The following KCTD8 variants were observed in gnomAD, a reference collection of about 807,000 sequenced individuals.
The protein encoded by KCTD8 is potassium channel tetramerization domain containing 8.
A neutral mutation model predicts 31.5 loss-of-function variants in KCTD8; 27 were observed. That is an observed-to-expected ratio of 0.86 (90% CI 0.63 to 1.18). The LOEUF (loss-of-function observed/expected upper bound fraction) is 1.18. Among genes scored for constraint, KCTD8 ranks in the 50% most tolerant of loss-of-function variants. The pLI is 0.00. For synonymous variants in KCTD8, 290 were observed against 280.0 expected (o/e 1.04, Z -0.36); for missense variants, 658 against 647.7 (o/e 1.02, Z -0.17).
chr4:44,413,984 T>A (rs1218856135), intron 1 of KCTD8, among the ~76,000 whole-genome samples: 4 of 152,108 alleles, frequency 2.6e-5, no homozygotes, highest in Non-Finnish European at 5.9e-5. Flanking sequence ...AACACCTAGA[T>A]GCTGAAAAAG....
chr4:44,317,263 C>T (rs1296699411), intron 1 of KCTD8, among the ~76,000 whole-genome samples: 1 of 38,288 alleles, frequency 2.6e-5, no homozygotes, highest in African/African-American at 8.8e-5. Flanking sequence ...GACGGAGTCT[C>T]GCTCTGTCGC....
intron 1 of KCTD8, among the ~76,000 whole-genome samples, chr4:44,403,397 G>A (rs1243707695): frequency 6.7e-6 from 1 of 150,258 alleles, no homozygotes; most frequent in Non-Finnish European, 1.5e-5. Context: ...AGGAGGTAGG[G>A]ACTTTATGCT....
chr4:44,198,925 T>A (rs1159809727), intron 1 of KCTD8, among the ~76,000 whole-genome samples: 3 of 151,864 alleles, frequency 2.0e-5, no homozygotes, highest in Non-Finnish European at 4.4e-5. Context: ...TCACATGTAA[T>A]GACGACTCTA....
intron 1 of KCTD8, among the ~76,000 whole-genome samples, chr4:44,225,170 A>G (rs1714920201): frequency 6.6e-6 from 1 of 152,220 alleles, no homozygotes; most frequent in South Asian, 2.1e-4. Flanking sequence ...TCCCACATTC[A>G]ACCTTTGTAA....
At chr4:44,186,053 C>T (rs1181680454) in intron 1 of KCTD8, among the ~76,000 whole-genome samples, 1 of 152,160 alleles carries the variant, frequency 6.6e-6, no homozygotes, top group Non-Finnish European at 1.5e-5. Flanking sequence ...TGTGCATTTT[C>T]CAAGACTACT....
intron 1 of KCTD8, among the ~76,000 whole-genome samples, chr4:44,282,061 G>A (rs1000643012): frequency 1.3e-5 from 2 of 151,952 alleles, no homozygotes; most frequent in Admixed American, 6.6e-5. Flanking sequence ...GCCAGTAACA[G>A]CTCGATGCAT....
At chr4:44,354,160 C>A (rs2109426343) in intron 1 of KCTD8, among the ~76,000 whole-genome samples, 1 of 152,208 alleles carries the variant, frequency 6.6e-6, no homozygotes, top group African/African-American at 2.4e-5. Context: ...TATTACTCTT[C>A]TATGATAAAT....
intron 1 of KCTD8, among the ~76,000 whole-genome samples, chr4:44,256,059 C>T (rs985561264): frequency 3.6e-4 from 54 of 151,962 alleles, no homozygotes; most frequent in Admixed American, 3.5e-3. Flanking sequence ...GCGCTTGTTA[C>T]ATGGTGGCAG....
chr4:44,299,771 T>TA (rs1717552469), intron 1 of KCTD8, among the ~76,000 whole-genome samples: 1 of 132,164 alleles, frequency 7.6e-6, no homozygotes. Context: ...TTTTTCCTTT[T>TA]CTTTTTTTTT....
intron 1 of KCTD8, among the ~76,000 whole-genome samples, chr4:44,229,124 T>C (rs914475696): frequency 2.6e-5 from 4 of 152,120 alleles, no homozygotes; most frequent in Non-Finnish European, 5.9e-5. Context: ...ATTATCATGA[T>C]TGAAGAAGGT....
At chr4:44,266,998 TA>T (rs1274541684) in intron 1 of KCTD8, among the ~76,000 whole-genome samples, 1 of 151,972 alleles carries the variant, frequency 6.6e-6, no homozygotes, top group Non-Finnish European at 1.5e-5. Context: ...GACAAAAAGT[TA>T]ACAAGGATAC....
intron 1 of KCTD8, among the ~76,000 whole-genome samples, chr4:44,305,152 T>C (rs1356297788): frequency 6.6e-6 from 1 of 151,870 alleles, no homozygotes; most frequent in South Asian, 2.1e-4. Context: ...AAGAACAGAA[T>C]TCAGTATGCA....
intron 1 of KCTD8, among the ~76,000 whole-genome samples, chr4:44,430,237 T>C (rs1721441263): frequency 6.6e-6 from 1 of 151,572 alleles, no homozygotes; most frequent in Non-Finnish European, 1.5e-5. Flanking sequence ...GAAAAGTTGC[T>C]AAATGGTCCC....
At chr4:44,195,267 A>G (rs6818018) in intron 1 of KCTD8, among the ~76,000 whole-genome samples, 2,694 of 152,224 alleles carry the variant, frequency 0.018, 73 homozygotes, top group African/African-American at 0.061. Context: ...ATTGATTAGT[A>G]AAGACTCCTA....
Position 44,184,536 on chromosome 4 carries a change from A to G in KCTD8, c.962-9286T>C, listed in dbSNP as rs190916359. 3.9e-4 allele frequency among the ~76,000 whole-genome samples: 60 copies of G among 152,006 alleles called. 1 individual carries two copies. Among genetic ancestry groups the G allele is most frequent in the Non-Finnish European group, 2.4e-4 (16 of 67,976 alleles). On this transcript the variant is annotated intron_variant, in intron 1 of 1. Transcript: ENST00000360029. ...GTCATCCCCAACCCACTCTTCTGAT[A>G]CTCCCTGAACTTGTTAATTTTTATC...
intron 1 of KCTD8, among the ~76,000 whole-genome samples, chr4:44,406,212 C>A (rs2109460301): frequency 6.6e-6 from 1 of 152,166 alleles, no homozygotes; most frequent in Non-Finnish European, 1.5e-5. Context: ...ACATGGCACC[C>A]AGGGTATATG....
chr4:44,176,125 C>T (rs1713207178), intron 1 of KCTD8, among the ~76,000 whole-genome samples: 1 of 152,208 alleles, frequency 6.6e-6, no homozygotes, highest in African/African-American at 2.4e-5. Flanking sequence ...CTAAAACCTT[C>T]ATTAAATGGA....
chr4:44,268,560 A>C (rs2109370537), intron 1 of KCTD8, among the ~76,000 whole-genome samples: 1 of 152,090 alleles, frequency 6.6e-6, no homozygotes, highest in South Asian at 2.1e-4. Context: ...TAGGCAGGAG[A>C]AGGAAATAAA....
intron 1 of KCTD8, among the ~76,000 whole-genome samples, chr4:44,408,336 T>C (rs571139869): frequency 3.3e-5 from 5 of 152,196 alleles, no homozygotes; most frequent in South Asian, 2.1e-4. Context: ...TTGACTCAAA[T>C]GATCGCTATT....
Sources: gnomAD v4.1 joint callset for allele counts (sites outside exome capture counted in the v4.1 genomes callset) on GRCh38, gnomAD v4.1.1 for gene constraint, MANE v1.5 for transcripts, NCBI Gene and HGNC (gene_info 2026-07-23, HGNC 2026-07-21) for gene names.